Variants in YJU2B observed in about 807,000 individuals in gnomAD.
The protein encoded by YJU2B is YJU2 splicing factor homolog B, also known as probable splicing factor YJU2B.
Under a neutral mutation model 38.0 loss-of-function variants are expected in YJU2B, and 18 were observed. The ratio of observed to expected loss-of-function variants is 0.47; its 90% confidence interval spans 0.33 to 0.70. YJU2B has a LOEUF of 0.70. YJU2B is among the 30% of genes least tolerant of loss of function. The probability of loss-of-function intolerance (pLI) is 0.02; values close to 1 mark genes in which losing one functional copy is unlikely to be tolerated. For missense variants in YJU2B, 538 were observed against 556.3 expected (o/e 0.97, Z 0.33); for synonymous variants, 246 against 225.4 (o/e 1.09, Z -0.82).
chr19:13,744,986 C>A (rs975750271), upstream of YJU2B, among the ~76,000 whole-genome samples: 32 of 125,698 alleles, frequency 2.5e-4, no homozygotes, highest in African/African-American at 9.7e-4. Context: ...GAGCGAGACT[C>A]CGTCTCAAAA....
At chr19:13,744,418 A>T (rs1043632894), upstream of YJU2B, among the ~76,000 whole-genome samples, 1 of 152,118 alleles carries the variant, frequency 6.6e-6, no homozygotes, top group Non-Finnish European at 1.5e-5. Context: ...TCAGGGACAT[A>T]TGTTAAGATG....
At chr19:13,757,923 C>A in intron 6 of YJU2B, 77 bp downstream of exon 6, 1 of 1,280,138 alleles carries the variant, frequency 7.8e-7, no homozygotes, top group Non-Finnish European at 1.1e-6. Context: ...GCCTGAGTTG[C>A]GGGGGGAACC....
upstream of YJU2B, among the ~76,000 whole-genome samples, chr19:13,745,496 C>G (rs988383549): frequency 6.6e-6 from 1 of 151,762 alleles, no homozygotes; most frequent in Non-Finnish European, 1.5e-5. Flanking sequence ...AACCCCGTCT[C>G]TACTAAAAAT....
chr19:13,737,449 T>A (rs1461446538), intron 2 of YJU2B, among the ~76,000 whole-genome samples: 1 of 151,470 alleles, frequency 6.6e-6, no homozygotes, highest in Non-Finnish European at 1.5e-5. Flanking sequence ...GTTCATAGAA[T>A]CTTCTGGCCC....
intron 2 of YJU2B, among the ~76,000 whole-genome samples, chr19:13,736,771 C>G (rs1328384076): frequency 6.6e-6 from 1 of 151,832 alleles, no homozygotes; most frequent in Non-Finnish European, 1.5e-5. Flanking sequence ...GTAGCTCACG[C>G]CTGTCGTCCC....
At chr19:13,759,328 G>A in intron 8 of YJU2B, 56 bp downstream of exon 8, 1 of 1,444,792 alleles carries the variant, frequency 6.9e-7, no homozygotes, top group Non-Finnish European at 9.4e-7. Flanking sequence ...CAAGGCCCGG[G>A]TCCAGCCCTC....
Position 13,758,880 on chromosome 19 carries a change from A to T in YJU2B, c.270A>T (p.Lys90Asn), listed in dbSNP as rs1238774515. 1 of 1,613,794 alleles carries T rather than the reference A, an allele frequency of 6.2e-7. No homozygotes were observed. The highest frequency in any genetic ancestry group is 2.2e-5 in the East Asian group (1 of 44,884). ...CGCTCCCTCCCAGGTTCCGGATGAA[A>T]TGCCACCTCTGTGTCAACTACATCG... ...YTTPIYRFRMKCHLCVNYIEM... is the reference protein window; with the variant it reads ...YTTPIYRFRMNCHLCVNYIEM... The change falls in exon 7 of 10, where the codon AAA (lysine) becomes AAT (asparagine). Residue 90 changes from lysine (K) to asparagine (N), a missense_variant. Transcript: ENST00000221554.
At position 13,762,165 on chromosome 19, in the gene YJU2B, A is replaced by G; in HGVS notation, c.574-134A>G. ...AGCTATGATTGTGCCACTGCACTCCAGTCTGGGCGACAGAATGAAACTGTC... is the reference window on the plus strand; with the variant it reads ...AGCTATGATTGTGCCACTGCACTCCGGTCTGGGCGACAGAATGAAACTGTC... On this transcript the variant is annotated intron_variant, in intron 8 of 9. Transcript: ENST00000221554. The G allele has an allele frequency of 3.7e-6, 4 of 1,071,966 alleles. No homozygotes were observed. In the East Asian group the frequency reaches 9.6e-5, roughly 26 times the overall value. The allele number at this position is 1,071,966 out of a possible 1,614,324, so 66.4% of individuals were successfully genotyped here. A position where few individuals can be genotyped will look rare whatever the true frequency, so the allele number is the denominator to read the frequency against.
At chr19:13,748,718 C>T (rs964028070) in intron 1 of YJU2B, among the ~76,000 whole-genome samples, 1 of 152,142 alleles carries the variant, frequency 6.6e-6, no homozygotes, top group East Asian at 1.9e-4. Context: ...CCCAGGGAAG[C>T]GCAGTCACTG....
chr19:13,747,728 G>A (rs1176767587), upstream of YJU2B: 1 of 152,390 alleles, frequency 6.6e-6, no homozygotes, highest in African/African-American at 2.4e-5. Flanking sequence ...CTGGACAGAG[G>A]ATGGAGCCTC....
intron 2 of YJU2B, among the ~76,000 whole-genome samples, chr19:13,740,379 T>C (rs1973061073): frequency 6.6e-6 from 1 of 152,046 alleles, no homozygotes. Flanking sequence ...GCCTGGCTAA[T>C]TTTTTGTTTT....
chr19:13,735,912 C>T lies in YJU2B; in HGVS notation c.-202+3627C>T, dbSNP rs1465267817. 6.6e-5 allele frequency among the ~76,000 whole-genome samples: 10 copies of T among 151,852 alleles called. 1 individual carries two copies. The highest frequency in any genetic ancestry group is 6.2e-4 in the South Asian group (3 of 4,806). ...CTAAAAATACAGAAAATTAGCCGGGCGTGGTGGGGGGCACCTGTAGTCCCA... is the reference window on the plus strand; with the variant it reads ...CTAAAAATACAGAAAATTAGCCGGGTGTGGTGGGGGGCACCTGTAGTCCCA... On this transcript the variant is annotated intron_variant, in intron 2 of 10. Transcript: ENST00000586600.
At chr19:13,752,912 C>CA (rs36058954) in intron 2 of YJU2B, among the ~76,000 whole-genome samples, 13,104 of 134,102 alleles carry the variant, frequency 0.098, 1,682 homozygotes, top group African/African-American at 0.3. Flanking sequence ...GACTCTGTCT[C>CA]AAAAAAAAAA....
At chr19:13,752,754 A>C (rs1973518161) in intron 2 of YJU2B, among the ~76,000 whole-genome samples, 2 of 152,100 alleles carry the variant, frequency 1.3e-5, no homozygotes, top group African/African-American at 4.8e-5. Flanking sequence ...CAAAAAAAAA[A>C]ATACAAAAAT....
intron 2 of YJU2B, among the ~76,000 whole-genome samples, chr19:13,753,342 G>A (rs924005399): frequency 1.2e-4 from 19 of 152,252 alleles, no homozygotes; most frequent in Non-Finnish European, 2.4e-4. Flanking sequence ...GGGAGGTCGA[G>A]GTAGGTGGGT....
Position 13,754,353 on chromosome 19 carries a change from T to C in YJU2B, c.57+11T>C, listed in dbSNP as rs1160993943. On this transcript the variant is annotated intron_variant, in intron 3 of 9. Transcript: ENST00000221554. ...TTCAACCCTGAGAAGGTAAGCAGGC[T>C]CTCCGCTCCAGGTCCACAGTAGCAA... 6.2e-7 allele frequency: 1 copy of C among 1,610,552 alleles called. No homozygotes were observed. The highest frequency in any genetic ancestry group is 8.5e-7 in the Non-Finnish European group (1 of 1,176,960).
chr19:13,745,752 T>TAG (rs1973231036), upstream of YJU2B, among the ~76,000 whole-genome samples: 1 of 141,516 alleles, frequency 7.1e-6, no homozygotes, highest in African/African-American at 2.6e-5. Context: ...TAGATATATA[T>TAG]ATATATCAGG....
At position 13,762,693 on chromosome 19, in the gene YJU2B, G is replaced by C; in HGVS notation, c.816G>C (p.Leu272=). ...CCAGCAGCAAGGTCAGCGGCGTCCT[G>C]AAGAAGCTGGCACAGAGCCGCAGAA... ...SASSSKVSGV[L]KKLAQSRRTA... Residue 272 remains leucine, a synonymous_variant, in exon 10 of 10, where the codon CTG becomes CTC. Transcript: ENST00000221554. 6.2e-7 allele frequency: 1 copy of C among 1,603,852 alleles called. No homozygotes were observed. The highest frequency in any genetic ancestry group is 8.5e-7 in the Non-Finnish European group (1 of 1,179,028).
exon 1 of YJU2B, chr19:13,731,910 GAGA>G (rs1396081354): frequency 2.0e-5 from 3 of 152,244 alleles, no homozygotes; most frequent in Admixed American, 2.0e-4. Flanking sequence ...GAGGGCTCTG[GAGA>G]AGACCATCGC....
Sources: gnomAD v4.1 joint callset for allele counts (sites outside exome capture counted in the v4.1 genomes callset) on GRCh38, gnomAD v4.1.1 for gene constraint, MANE v1.5 for transcripts, NCBI Gene and HGNC (gene_info 2026-07-23, HGNC 2026-07-21) for gene names.